OLAH: variants seen among roughly 807,000 people sequenced by gnomAD.
The protein encoded by OLAH is S-acyl fatty acid synthase thioesterase, medium chain.
Under a neutral mutation model 27.8 loss-of-function variants are expected in OLAH, and 33 were observed. The observed-to-expected ratio is 1.19, with a 90% CI of 0.90 to 1.59. The LOEUF is 1.59. OLAH is among the 40% of genes most tolerant of loss of function. The probability of loss-of-function intolerance (pLI) is 0.00; values close to 1 mark genes in which losing one functional copy is unlikely to be tolerated. For missense variants in OLAH, 359 were observed against 310.8 expected (o/e 1.16, Z -1.17); for synonymous variants, 120 against 102.9 (o/e 1.17, Z -1.01).
intron 3 of OLAH, among the ~76,000 whole-genome samples, chr10:15,059,462 C>T (rs1028633465): frequency 3.3e-5 from 5 of 151,810 alleles, no homozygotes; most frequent in African/African-American, 1.2e-4. Context: ...GCTGGGATTA[C>T]AGGCATGAGC....
intron 2 of OLAH, 48 bp from the exon 3 acceptor site, chr10:15,049,587 A>G (rs750658962): frequency 1.6e-6 from 2 of 1,230,578 alleles, no homozygotes; most frequent in South Asian, 3.0e-5. Context: ...AGTATAGGGA[A>G]CTTAATTGAT....
chr10:15,065,754 G>T lies in OLAH; in HGVS notation c.572+1G>T, dbSNP rs141945357. 1.3e-6 allele frequency: 2 copies of T among 1,582,678 alleles called. No individual in the cohort carries two copies. The highest frequency in any genetic ancestry group is 1.7e-6 in the Non-Finnish European group (2 of 1,169,180). ...ATCTGAACATTGTTAGAAGTTGCAC[G>T]TAAGTAACAGAAACAAGGTTTTTTC... On this transcript the variant is annotated splice_donor_variant, in intron 6 of 7. Transcript: ENST00000378228. LOFTEE classifies it high-confidence loss of function.
chr10:15,049,901 G>C (rs1844099918), intron 3 of OLAH, 136 bp downstream of exon 3: 1 of 791,996 alleles, frequency 1.3e-6, no homozygotes, highest in Non-Finnish European at 1.9e-6. Flanking sequence ...GCTTCAATAG[G>C]GTGACTTTTA....
intron 5 of OLAH, 127 bp downstream of exon 5, chr10:15,064,629 G>C: frequency 1.7e-6 from 1 of 582,590 alleles, no homozygotes; most frequent in Non-Finnish European, 2.9e-6. Context: ...GATACTAATA[G>C]GTTGGTGCAA....
At chr10:15,050,732 A>T (rs938555353) in intron 3 of OLAH, among the ~76,000 whole-genome samples, 1 of 151,312 alleles carries the variant, frequency 6.6e-6, no homozygotes, top group Non-Finnish European at 1.5e-5. Context: ...TAGTAGAGAC[A>T]GGGTTTCACT....
intron 3 of OLAH, among the ~76,000 whole-genome samples, chr10:15,051,230 C>G (rs1324761535): frequency 1.3e-5 from 2 of 151,998 alleles, no homozygotes; most frequent in African/African-American, 2.4e-5. Context: ...CACACGCCAC[C>G]AGGCCCAGCT....
chr10:15,048,427 AGGCTGGT>A (rs1844064955), intron 2 of OLAH, among the ~76,000 whole-genome samples: 1 of 152,318 alleles, frequency 6.6e-6, no homozygotes, highest in Admixed American at 6.5e-5. Flanking sequence ...CATGTTGGCC[AGGCTGGT>A]CTCGAACTCC....
intron 1 of OLAH, among the ~76,000 whole-genome samples, chr10:15,033,843 C>G (rs1843796069): frequency 6.6e-6 from 1 of 152,176 alleles, no homozygotes; most frequent in Non-Finnish European, 1.5e-5. Flanking sequence ...AGAGCCCTCA[C>G]CATCTAATAG....
At position 15,068,456 on chromosome 10, in the gene OLAH, G is replaced by A. The variant is rs147101524; in HGVS notation, c.572+2703G>A. The stretch of plus-strand genomic sequence containing the variant: ...TGCCCAGGCTCGAGTGCAATGGCGC[G>A]ATCTCAGCTCACTGCAACCTCCGTC... On this transcript the variant is annotated intron_variant, in intron 6 of 7. Coordinates refer to ENST00000378228, the MANE Select transcript of OLAH (RefSeq NM_001039702.3). Among the ~76,000 whole-genome samples, 336 of 152,214 alleles carry A rather than the reference G, an allele frequency of 2.2e-3. 1 individual carries two copies. Among genetic ancestry groups the A allele is most frequent in the African/African-American group, 7.8e-3 (323 of 41,540 alleles).
chr10:15,036,322 A>AC (rs1490247143), intron 1 of OLAH, among the ~76,000 whole-genome samples: 2 of 151,980 alleles, frequency 1.3e-5, no homozygotes, highest in African/African-American at 4.8e-5. Flanking sequence ...AAATGGCGAA[A>AC]CCCCATCTCT....
chr10:15,043,051 G>A (rs1255325472), upstream of OLAH, among the ~76,000 whole-genome samples: 5 of 151,552 alleles, frequency 3.3e-5, no homozygotes, highest in African/African-American at 9.7e-5. Context: ...TAGTAGAGAT[G>A]GGGTTTCACC....
In OLAH at chr10:15,073,253, A is replaced by G; in HGVS notation, c.*24A>G. ...AGATATTTTCCCTTTCACTTTTAAA[A>G]TAATCAAAGTAATATCATACTCTTC... On this transcript the variant is annotated 3_prime_UTR_variant, in exon 8 of 8. Transcript: ENST00000378228. The G allele has an allele frequency of 6.9e-7, 1 of 1,453,182 alleles. No individual in the cohort carries two copies. Among genetic ancestry groups the G allele is most frequent in the Non-Finnish European group, 9.6e-7 (1 of 1,045,862 alleles). The allele number at this position is 1,453,182 out of a possible 1,614,324, so 90.0% of individuals were successfully genotyped here.
Position 15,050,342 on chromosome 10 carries a change from A to G in OLAH, c.163+577A>G, listed in dbSNP as rs138430562. Among the ~76,000 whole-genome samples the G allele has an allele frequency of 3.4e-3, 518 of 152,182 alleles. 3 individuals carry two copies. The highest frequency in any genetic ancestry group is 0.011 in the African/African-American group (476 of 41,526). On this transcript the variant is annotated intron_variant, in intron 3 of 7. Coordinates refer to ENST00000378228, the MANE Select transcript of OLAH (RefSeq NM_001039702.3). ...GAGTGCAGTGGTGCAATCTCGGCTC[A>G]CTGCAATCTCCACCTCCCGGGTTCA...
At chr10:15,067,380 A>G (rs1395445689) in intron 6 of OLAH, among the ~76,000 whole-genome samples, 1 of 77,582 alleles carries the variant, frequency 1.3e-5, no homozygotes, top group Admixed American at 1.4e-4. Flanking sequence ...CAAAGAAGGG[A>G]TAAGAATAGC....
At chr10:15,063,544 A>G (rs569761226) in intron 4 of OLAH, among the ~76,000 whole-genome samples, 87 of 152,218 alleles carry the variant, frequency 5.7e-4, no homozygotes, top group Non-Finnish European at 1.1e-3. Context: ...TGCAATTTAC[A>G]AATAAGCAAC....
chr10:15,036,456 C>A (rs1438144659), intron 1 of OLAH, among the ~76,000 whole-genome samples: 2 of 152,028 alleles, frequency 1.3e-5, no homozygotes, highest in Non-Finnish European at 2.9e-5. Flanking sequence ...GAGATTGCGC[C>A]ATTGCACTCC....
intron 1 of OLAH, among the ~76,000 whole-genome samples, chr10:15,046,489 A>G (rs1191780894): frequency 1.3e-5 from 2 of 151,644 alleles, no homozygotes; most frequent in South Asian, 2.1e-4. Context: ...ACTTTTTGAG[A>G]TGGAGTCTCA....
At chr10:15,053,976 C>T (rs1019329900) in intron 3 of OLAH, among the ~76,000 whole-genome samples, 5 of 151,884 alleles carry the variant, frequency 3.3e-5, no homozygotes, top group South Asian at 2.1e-4. Context: ...AGGATTCACC[C>T]GCCTCAACCT....
intron 3 of OLAH, among the ~76,000 whole-genome samples, chr10:15,051,548 T>C (rs1014344793): frequency 1.3e-5 from 2 of 152,186 alleles, no homozygotes; most frequent in Non-Finnish European, 2.9e-5. Context: ...TTTTTGAAGA[T>C]TTTTCTTTCA....
Sources: gnomAD v4.1 joint callset for allele counts (sites outside exome capture counted in the v4.1 genomes callset) on GRCh38, gnomAD v4.1.1 for gene constraint, MANE v1.5 for transcripts, NCBI Gene and HGNC (gene_info 2026-07-23, HGNC 2026-07-21) for gene names.